Variants in RASSF8 observed in about 807,000 individuals in gnomAD.
RASSF8 encodes Ras association domain family member 8.
RASSF8 carries 22 observed loss-of-function variants against 48.5 expected under a neutral mutation model. The observed-to-expected ratio is 0.45, with a 90% confidence interval of 0.32 to 0.65. RASSF8 has a LOEUF of 0.65. Ranked by LOEUF, RASSF8 falls within the 30% of genes least tolerant of loss-of-function variation. The pLI is 0.03. For missense variants in RASSF8, 418 were observed against 489.2 expected (o/e 0.85, Z 1.37); for synonymous variants, 127 against 171.5 (o/e 0.74, Z 2.03).
intron 2 of RASSF8, among the ~76,000 whole-genome samples, chr12:26,022,181 G>A (rs1942801855): frequency 6.6e-6 from 1 of 152,184 alleles, no homozygotes; most frequent in African/African-American, 2.4e-5. Context: ...AGCTGAGCGG[G>A]ATACCAGATG....
At chr12:26,002,086 A>G (rs994479201) in intron 2 of RASSF8, among the ~76,000 whole-genome samples, 1 of 152,222 alleles carries the variant, frequency 6.6e-6, no homozygotes, top group African/African-American at 2.4e-5. Context: ...GTTGACTAAA[A>G]CATTGTTATG....
chr12:26,047,452 A>G (rs186503276), intron 2 of RASSF8, among the ~76,000 whole-genome samples: 9 of 152,290 alleles, frequency 5.9e-5, no homozygotes, highest in African/African-American at 2.2e-4. Flanking sequence ...GCCCTTTAAT[A>G]TATGTAAAAC....
At chr12:26,009,881 GA>G (rs1942481222) in intron 2 of RASSF8, among the ~76,000 whole-genome samples, 1 of 152,244 alleles carries the variant, frequency 6.6e-6, no homozygotes, top group Admixed American at 6.5e-5. Flanking sequence ...GACAATTCTT[GA>G]AAGGAGTTTT....
chr12:26,054,849 A>G (rs1365158450), intron 2 of RASSF8, among the ~76,000 whole-genome samples: 1 of 152,228 alleles, frequency 6.6e-6, no homozygotes, highest in Non-Finnish European at 1.5e-5. Flanking sequence ...AAAGTGGTTC[A>G]ATTTTATTGA....
intron 3 of RASSF8, among the ~76,000 whole-genome samples, chr12:26,063,478 C>T (rs1943792488): frequency 6.6e-6 from 1 of 152,058 alleles, no homozygotes; most frequent in Non-Finnish European, 1.5e-5. Context: ...CTCACTGCAG[C>T]CTTGATCTCC....
At chr12:26,008,821 C>T (rs574692635) in intron 2 of RASSF8, among the ~76,000 whole-genome samples, 13 of 152,056 alleles carry the variant, frequency 8.5e-5, no homozygotes, top group African/African-American at 1.9e-4. Flanking sequence ...TTGAGGTTGA[C>T]GAAATCAAGA....
chr12:26,060,592 A>G (rs1036121155), intron 3 of RASSF8, among the ~76,000 whole-genome samples: 1 of 152,204 alleles, frequency 6.6e-6, no homozygotes, highest in Non-Finnish European at 1.5e-5. Context: ...TTTACAGGCT[A>G]TAAGATAATA....
intron 1 of RASSF8, among the ~76,000 whole-genome samples, chr12:25,966,536 A>G (rs1378428819): frequency 1.3e-5 from 2 of 152,136 alleles, no homozygotes; most frequent in Non-Finnish European, 2.9e-5. Flanking sequence ...GCATTTCCCT[A>G]ACAACTAGTG....
intron 1 of RASSF8, among the ~76,000 whole-genome samples, chr12:25,990,854 T>C (rs982445146): frequency 6.6e-6 from 1 of 152,210 alleles, no homozygotes; most frequent in Non-Finnish European, 1.5e-5. Context: ...TAGTTGAATA[T>C]TTACAATTTC....
At chr12:25,964,757 A>T (rs1161934874) in intron 1 of RASSF8, among the ~76,000 whole-genome samples, 1 of 152,218 alleles carries the variant, frequency 6.6e-6, no homozygotes, top group African/African-American at 2.4e-5. Context: ...ACTCTACTGT[A>T]AAAATACCAG....
At chr12:25,970,199 C>T (rs753464766) in intron 1 of RASSF8, among the ~76,000 whole-genome samples, 6 of 151,896 alleles carry the variant, frequency 4.0e-5, no homozygotes, top group East Asian at 1.9e-4. Context: ...TGATCTCACC[C>T]GTCACCCACC....
At chr12:26,028,176 T>C (rs1942956051) in intron 2 of RASSF8, among the ~76,000 whole-genome samples, 1 of 138,700 alleles carries the variant, frequency 7.2e-6, no homozygotes, top group East Asian at 2.0e-4. Flanking sequence ...GTTTTAAAAG[T>C]GTTTCACTCA....
At chr12:25,995,232 A>G (rs1445320128) in intron 2 of RASSF8, 102 bp downstream of exon 2, 1 of 152,220 alleles carries the variant, frequency 6.6e-6, no homozygotes. Context: ...GGAGACTTTT[A>G]TAGATCATGT....
chr12:26,059,655 T>C (rs1234899592), intron 3 of RASSF8, among the ~76,000 whole-genome samples: 3 of 152,244 alleles, frequency 2.0e-5, no homozygotes, highest in African/African-American at 7.2e-5. Context: ...ATTTGCAATT[T>C]TAATATTTAT....
chr12:26,078,084 G>A (rs553552229), intron 5 of RASSF8, among the ~76,000 whole-genome samples: 3 of 152,262 alleles, frequency 2.0e-5, no homozygotes, highest in Non-Finnish European at 2.9e-5. Context: ...GAGTAAACAA[G>A]TTTTCACTGA....
chr12:26,068,751 C>G lies in RASSF8; in HGVS notation c.1193C>G (p.Pro398Arg). Residue 398 changes from proline to arginine, a missense_variant, in exon 6 of 6, where the codon CCC becomes CGC. Physicochemically the swap from Pro to Arg is moderately radical, Grantham distance 103 (BLOSUM62 -2). Transcript: ENST00000689635. ...CGACCTGGTTCATCTCGGCAGCTCC[C>G]CAGTAATCTCCGCATTCTGCAGAAT... Reference protein sequence around the residue: ...LKRPGSSRQLPSNLRILQNPI... With the variant: ...LKRPGSSRQLRSNLRILQNPI... 1 of 1,537,262 alleles carries G rather than the reference C, an allele frequency of 6.5e-7. No individual in the cohort carries two copies. Among genetic ancestry groups the G allele is most frequent in the East Asian group, 2.4e-5 (1 of 40,914 alleles).
chr12:25,963,703 T>G (rs1420674900), intron 1 of RASSF8, among the ~76,000 whole-genome samples: 1 of 152,102 alleles, frequency 6.6e-6, no homozygotes, highest in Non-Finnish European at 1.5e-5. Flanking sequence ...ATCCTTTGAG[T>G]GGTCTGGACC....
In RASSF8 at chr12:26,070,401, C is replaced by T. The variant is rs1943974048; in HGVS notation, c.*1583C>T. The T allele has an allele frequency of 1.0e-6, 1 of 985,206 alleles. No homozygotes were observed. Among genetic ancestry groups the T allele is most frequent in the Admixed American group, 6.2e-5 (1 of 16,252 alleles). 61.0% of individuals were successfully genotyped at this position (985,206 alleles called of 1,614,324 possible). Reference sequence around the variant, plus strand: ...TAGAAGCTTCTAGAGAACTGAAAGTCATAATGCAGAGTTGCCTTTTCTAGT... The same window carrying T: ...TAGAAGCTTCTAGAGAACTGAAAGTTATAATGCAGAGTTGCCTTTTCTAGT... On this transcript the variant is annotated 3_prime_UTR_variant, in exon 6 of 6. Coordinates refer to ENST00000689635, the MANE Select transcript of RASSF8 (RefSeq NM_001394098.1).
downstream of RASSF8, among the ~76,000 whole-genome samples, chr12:26,075,898 A>G (rs994670886): frequency 1.3e-5 from 2 of 152,118 alleles, no homozygotes; most frequent in African/African-American, 2.4e-5. Flanking sequence ...AGCCACTGTG[A>G]CAGTCATTGG....
Sources: gnomAD v4.1 joint callset for allele counts (sites outside exome capture counted in the v4.1 genomes callset) on GRCh38, gnomAD v4.1.1 for gene constraint, MANE v1.5 for transcripts, NCBI Gene and HGNC (gene_info 2026-07-23, HGNC 2026-07-21) for gene names.